Variants in TBC1D5 observed in about 807,000 individuals in gnomAD.
TBC1D5 encodes TBC1 domain family, member 5.
TBC1D5 carries 75 observed loss-of-function variants against 100.3 expected under a neutral mutation model. The observed-to-expected ratio is 0.75, with a 90% CI of 0.62 to 0.91. The LOEUF (loss-of-function observed/expected upper bound fraction) is 0.91, where lower values mean the gene tolerates loss of function less well. Ranked by LOEUF, TBC1D5 falls within the 40% of genes least tolerant of loss-of-function variation. TBC1D5 has a pLI of 0.00. For synonymous variants in TBC1D5, 323 were observed against 325.6 expected, an observed-to-expected ratio of 0.99 and a Z score of 0.09; for missense variants, 910 against 942.4, an observed-to-expected ratio of 0.97 and a Z score of 0.45.
At chr3:17,367,972 T>A (rs2092261062) in intron 13 of TBC1D5, among the ~76,000 whole-genome samples, 1 of 133,654 alleles carries the variant, frequency 7.5e-6, no homozygotes, top group Non-Finnish European at 1.6e-5. Flanking sequence ...TAATATAAAT[T>A]ACCTTTAGGA....
intron 2 of TBC1D5, among the ~76,000 whole-genome samples, chr3:17,521,144 A>G (rs2096059482): frequency 6.6e-6 from 1 of 152,224 alleles, no homozygotes; most frequent in Admixed American, 6.5e-5. Flanking sequence ...TTCTGACAAG[A>G]ATACAAGAGC....
chr3:17,599,797 A>G (rs2060812830), intron 2 of TBC1D5, among the ~76,000 whole-genome samples: 1 of 152,186 alleles, frequency 6.6e-6, no homozygotes, highest in Admixed American at 6.5e-5. Context: ...CGGCCAAGTA[A>G]GCAAGCCACA....
At chr3:17,395,734 C>A (rs1307238834) in intron 8 of TBC1D5, among the ~76,000 whole-genome samples, 1 of 152,042 alleles carries the variant, frequency 6.6e-6, no homozygotes, top group Non-Finnish European at 1.5e-5. Flanking sequence ...CTCCTAAATT[C>A]CGAAGATTAG....
intron 1 of TBC1D5, among the ~76,000 whole-genome samples, chr3:17,652,522 T>A (rs2065673926): frequency 6.6e-6 from 1 of 152,144 alleles, no homozygotes; most frequent in Non-Finnish European, 1.5e-5. Flanking sequence ...AAAATGCATA[T>A]AACTTAAAAT....
chr3:17,426,602 G>T (rs1270808822), intron 4 of TBC1D5, among the ~76,000 whole-genome samples: 1 of 151,584 alleles, frequency 6.6e-6, no homozygotes, highest in Non-Finnish European at 1.5e-5. Context: ...ACAATGACAG[G>T]CATTGATTAA....
chr3:17,587,955 T>C (rs2096742696), intron 2 of TBC1D5, among the ~76,000 whole-genome samples: 1 of 152,040 alleles, frequency 6.6e-6, no homozygotes, highest in South Asian at 2.1e-4. Context: ...GTGTATTTGA[T>C]GAAATCTGTA....
chr3:17,706,177 G>A (rs576444261), intron 1 of TBC1D5: 8 of 1,562,952 alleles, frequency 5.1e-6, no homozygotes, highest in Admixed American at 1.9e-5. Context: ...GCAGGCAGCC[G>A]CTCGAAGGGC....
At chr3:17,344,472 G>A (rs2089550041) in intron 13 of TBC1D5, among the ~76,000 whole-genome samples, 1 of 150,958 alleles carries the variant, frequency 6.6e-6, no homozygotes, top group Admixed American at 6.6e-5. Context: ...AATCAATATT[G>A]TGAAAATGGC....
At chr3:17,590,125 G>A (rs1398330941) in intron 2 of TBC1D5, among the ~76,000 whole-genome samples, 1 of 152,194 alleles carries the variant, frequency 6.6e-6, no homozygotes, top group Non-Finnish European at 1.5e-5. Context: ...GGCCCCAGAG[G>A]TGAGGTTGAG....
At chr3:17,499,003 G>A (rs1265642150) in intron 3 of TBC1D5, among the ~76,000 whole-genome samples, 1 of 152,116 alleles carries the variant, frequency 6.6e-6, no homozygotes. Flanking sequence ...GTTGGGGGGT[G>A]GCAGGGGAGG....
chr3:17,538,133 C>T (rs531594126), intron 2 of TBC1D5, among the ~76,000 whole-genome samples: 48 of 152,240 alleles, frequency 3.2e-4, no homozygotes, highest in African/African-American at 1.2e-3. Flanking sequence ...AGCACCCAAA[C>T]ACGCACACCC....
intron 21 of TBC1D5, among the ~76,000 whole-genome samples, 171 bp from the exon 23 acceptor site, chr3:17,161,427 C>T (rs2066042070): frequency 6.6e-6 from 1 of 152,222 alleles, no homozygotes; most frequent in Admixed American, 6.5e-5. Context: ...CACACGTTTA[C>T]CAGTGGTGCA....
chr3:17,678,551 A>G (rs1382068421), intron 1 of TBC1D5, among the ~76,000 whole-genome samples: 1 of 152,036 alleles, frequency 6.6e-6, no homozygotes, highest in East Asian at 1.9e-4. Context: ...ACATCAGAAA[A>G]GACACTAAGA....
chr3:17,733,491 TG>T (rs199783220), intron 1 of TBC1D5, among the ~76,000 whole-genome samples: 46 of 151,582 alleles, frequency 3.0e-4, no homozygotes, highest in Non-Finnish European at 4.3e-4. Context: ...AGTAATCACT[TG>T]GGGGGGGTGG....
Position 17,245,060 on chromosome 3 carries a change from G to A in TBC1D5, c.1332-6641C>T, listed in dbSNP as rs557762619. 4.0e-5 allele frequency among the ~76,000 whole-genome samples: 6 copies of A among 151,482 alleles called. No homozygotes were observed. The South Asian group carries it at 6.3e-4, about 16-fold the overall frequency. On this transcript the variant is annotated intron_variant, in intron 16 of 21. Coordinates refer to ENST00000253692, the Ensembl canonical transcript of TBC1D5. ...AAAAAAAAAAAAGCCAGCCATGGTG[G>A]TGTGCACCTGTAGTCCCAGCTACTT...
intron 2 of TBC1D5, among the ~76,000 whole-genome samples, chr3:17,521,661 G>T (rs535969013): frequency 9.9e-5 from 15 of 152,198 alleles, no homozygotes; most frequent in Admixed American, 3.3e-4. Context: ...ATAATTTGGG[G>T]GGGGAAATCC....
At chr3:17,652,200 A>T (rs999484234) in intron 1 of TBC1D5, among the ~76,000 whole-genome samples, 2 of 152,178 alleles carry the variant, frequency 1.3e-5, no homozygotes, top group Non-Finnish European at 2.9e-5. Context: ...AGTCCTAAGT[A>T]GAGGACTTTC....
intron 1 of TBC1D5, among the ~76,000 whole-genome samples, chr3:17,665,357 G>C (rs1022279724): frequency 6.6e-6 from 1 of 152,110 alleles, no homozygotes; most frequent in Non-Finnish European, 1.5e-5. Context: ...CTTTATAAAA[G>C]TTTGCAAACT....
chr3:17,637,278 G>A (rs1046519585), intron 1 of TBC1D5, among the ~76,000 whole-genome samples: 3 of 139,648 alleles, frequency 2.1e-5, no homozygotes, highest in Admixed American at 7.9e-5. Flanking sequence ...TCCTGACCTC[G>A]TGATCCGCCC....
Sources: gnomAD v4.1 joint callset for allele counts (sites outside exome capture counted in the v4.1 genomes callset) on GRCh38, gnomAD v4.1.1 for gene constraint, MANE v1.5 for transcripts, NCBI Gene and HGNC (gene_info 2026-07-23, HGNC 2026-07-21) for gene names.